The following IFT80 variants were observed in gnomAD, a reference collection of about 807,000 sequenced individuals.
IFT80 encodes the protein intraflagellar transport 80.
IFT80 carries 79 observed loss-of-function variants against 107.9 expected under a neutral mutation model. The observed-to-expected ratio is 0.73, with a 90% CI of 0.61 to 0.88. The LOEUF is 0.88. IFT80 is among the 40% of genes least tolerant of loss of function. The probability of loss-of-function intolerance (pLI) is 0.00; values close to 1 mark genes in which losing one functional copy is unlikely to be tolerated. For missense variants in IFT80, 797 were observed against 914.2 expected, an observed-to-expected ratio of 0.87 and a Z score of 1.65; for synonymous variants, 299 against 300.9, an observed-to-expected ratio of 0.99 and a Z score of 0.07.
chr3:160,376,802 C>G (rs1183736146), intron 4 of IFT80, among the ~76,000 whole-genome samples: 2 of 152,184 alleles, frequency 1.3e-5, no homozygotes, highest in Admixed American at 6.5e-5. Context: ...TAATTAAGGT[C>G]TCCTGTCAAA....
intron 9 of IFT80, among the ~76,000 whole-genome samples, chr3:160,312,734 T>A (rs1717415740): frequency 2.3e-5 from 1 of 44,094 alleles, no homozygotes; most frequent in South Asian, 5.4e-4. Flanking sequence ...AAATATATAT[T>A]ATATATAAAT....
At chr3:160,370,353 T>G (rs1172289386) in intron 5 of IFT80, among the ~76,000 whole-genome samples, 1 of 151,932 alleles carries the variant, frequency 6.6e-6, no homozygotes, top group Non-Finnish European at 1.5e-5. Context: ...CTTACTGTAT[T>G]GTTCATAGTA....
At position 160,268,456 on chromosome 3, in the gene IFT80, C is replaced by G; in HGVS notation, c.2180G>C (p.Gly727Ala). The G allele has an allele frequency of 6.2e-7, 1 of 1,613,396 alleles. No homozygotes were observed. The highest frequency in any genetic ancestry group is 1.1e-5 in the South Asian group (1 of 91,072). ...AYRQKFLETFGKQETNKRYLH... is the reference protein window; with the variant it reads ...AYRQKFLETFAKQETNKRYLH... Reference sequence around the variant, plus strand: ...GTATCGTTTATTAGTTTCCTGTTTACCAAATGTCTCCAAAAACTTTTGACG... The same window carrying G: ...GTATCGTTTATTAGTTTCCTGTTTAGCAAATGTCTCCAAAAACTTTTGACG... The change falls in exon 19 of 20, where the codon GGT becomes GCT. Residue 727 changes from glycine to alanine, a missense_variant. Gly to Ala is a moderately conservative substitution (Grantham distance 60). Transcript: ENST00000326448.
At position 160,307,695 on chromosome 3, in the gene IFT80, A is replaced by G; in HGVS notation, c.1044T>C (p.Val348=). Residue 348 remains valine, a synonymous_variant, in exon 10 of 20, where the codon GTT becomes GTC. Transcript: ENST00000326448. The part of the protein sequence containing the change: ...IKASLNYAHL[V]VSTSLQCYVF... ...CGTAACATTGAAGAGACGTTGAAAC[A>G]ACTAAGTGTGCATAGTTCAAAGATG... 6.3e-7 allele frequency: 1 copy of G among 1,593,474 alleles called. No individual in the cohort carries two copies. The highest frequency in any genetic ancestry group is 8.6e-7 in the Non-Finnish European group (1 of 1,161,290).
At chr3:160,385,510 T>C (rs1712860796) in intron 1 of IFT80, among the ~76,000 whole-genome samples, 1 of 152,348 alleles carries the variant, frequency 6.6e-6, no homozygotes, top group African/African-American at 2.4e-5. Context: ...GTACTGACTA[T>C]AGATAAGAAT....
intron 8 of IFT80, among the ~76,000 whole-genome samples, chr3:160,322,116 T>C (rs559283648): frequency 2.6e-5 from 4 of 151,830 alleles, no homozygotes; most frequent in Admixed American, 2.6e-4. Flanking sequence ...GCATGTGCCA[T>C]GTTGGTGTGC....
chr3:160,339,053 C>T (rs564690418), intron 8 of IFT80, among the ~76,000 whole-genome samples: 2 of 152,242 alleles, frequency 1.3e-5, no homozygotes, highest in Admixed American at 6.5e-5. Flanking sequence ...CTCCAGCTTA[C>T]CTAGCATCTT....
intron 12 of IFT80, among the ~76,000 whole-genome samples, chr3:160,291,299 T>G (rs1715533510): frequency 1.3e-5 from 2 of 152,206 alleles, no homozygotes; most frequent in South Asian, 4.1e-4. Context: ...CATAGTATCT[T>G]AGGTGATACT....
intron 8 of IFT80, among the ~76,000 whole-genome samples, chr3:160,331,807 A>C (rs1269345633): frequency 6.6e-6 from 1 of 152,106 alleles, no homozygotes; most frequent in Admixed American, 6.6e-5. Flanking sequence ...CCACAGGTGC[A>C]TGCCAAGACA....
chr3:160,336,699 C>A (rs1436897833), intron 8 of IFT80, among the ~76,000 whole-genome samples: 1 of 151,972 alleles, frequency 6.6e-6, no homozygotes, highest in Non-Finnish European at 1.5e-5. Context: ...CAATATGTTT[C>A]ACCTCAGCTC....
intron 12 of IFT80, among the ~76,000 whole-genome samples, chr3:160,292,642 G>A (rs946005900): frequency 2.0e-4 from 30 of 152,102 alleles, no homozygotes; most frequent in Non-Finnish European, 4.4e-5. Context: ...ACCACGGCCA[G>A]CTAATTTTTA....
At chr3:160,298,914 G>A (rs1411949159) in intron 12 of IFT80, among the ~76,000 whole-genome samples, 1 of 152,094 alleles carries the variant, frequency 6.6e-6, no homozygotes, top group Non-Finnish European at 1.5e-5. Context: ...CAATGGCTAT[G>A]ACATTACTCG....
intron 8 of IFT80, among the ~76,000 whole-genome samples, chr3:160,348,211 C>T (rs910315971): frequency 1.3e-5 from 2 of 151,938 alleles, no homozygotes; most frequent in South Asian, 2.1e-4. Context: ...ACTATTCATG[C>T]TTTTTGGCTA....
chr3:160,330,424 C>A (rs1234513636), intron 8 of IFT80, among the ~76,000 whole-genome samples: 1 of 152,284 alleles, frequency 6.6e-6, no homozygotes, highest in South Asian at 2.1e-4. Flanking sequence ...GCCTCTAAAC[C>A]AGCTTCTCCT....
At chr3:160,361,544 A>C (rs1721492209) in intron 6 of IFT80, among the ~76,000 whole-genome samples, 1 of 152,004 alleles carries the variant, frequency 6.6e-6, no homozygotes, top group Non-Finnish European at 1.5e-5. Context: ...CATCTACAGA[A>C]CTCTCCACCC....
Position 160,258,324 on chromosome 3 carries a change from G to T in IFT80, c.*201C>A. The T allele has an allele frequency of 1.5e-6, 1 of 671,696 alleles. No individual in the cohort carries two copies. Among genetic ancestry groups the T allele is most frequent in the Non-Finnish European group, 2.5e-6 (1 of 405,176 alleles). 41.6% of individuals were successfully genotyped at this position (671,696 alleles called of 1,614,324 possible). A position where few individuals can be genotyped will look rare whatever the true frequency, so the allele number is the denominator to read the frequency against. On this transcript the variant is annotated 3_prime_UTR_variant, in exon 20 of 20. Transcript: ENST00000326448. The stretch of plus-strand genomic sequence containing the variant: ...ACATAGTAATATTTTGCTAATTATT[G>T]GACTAAAAAATATAAAAGATAGAAA...
chr3:160,259,499 C>T (rs897262781), intron 19 of IFT80, among the ~76,000 whole-genome samples: 1 of 152,160 alleles, frequency 6.6e-6, no homozygotes, highest in Non-Finnish European at 1.5e-5. Context: ...TTTGCACCAA[C>T]TCTTAAAGTA....
chr3:160,347,772 T>C (rs1366937030), intron 8 of IFT80, among the ~76,000 whole-genome samples: 2 of 152,188 alleles, frequency 1.3e-5, no homozygotes, highest in Non-Finnish European at 2.9e-5. Context: ...TATTGCACTT[T>C]AGGTATACAG....
intron 5 of IFT80, among the ~76,000 whole-genome samples, chr3:160,370,658 TAATA>T (rs1722171739): frequency 6.6e-6 from 1 of 152,270 alleles, no homozygotes; most frequent in Admixed American, 6.5e-5. Flanking sequence ...ACTCCCAAAT[TAATA>T]TTTTAGCCTT....
Sources: gnomAD v4.1 joint callset for allele counts (sites outside exome capture counted in the v4.1 genomes callset) on GRCh38, gnomAD v4.1.1 for gene constraint, MANE v1.5 for transcripts, NCBI Gene and HGNC (gene_info 2026-07-23, HGNC 2026-07-21) for gene names.